OXR1: variants seen among roughly 807,000 people sequenced by gnomAD.
The protein encoded by OXR1 is oxidation resistance 1.
In OXR1, 41 loss-of-function variants were observed where a neutral mutation model predicts 104.6. The ratio of observed to expected loss-of-function variants is 0.39; its 90% CI spans 0.31 to 0.51. The LOEUF (loss-of-function observed/expected upper bound fraction) is 0.51. OXR1 is among the 20% of genes least tolerant of loss of function. OXR1 has a pLI of 0.77. For synonymous variants in OXR1, 348 were observed against 348.4 expected (o/e 1.00, Z 0.01); for missense variants, 955 against 1,031.9 (o/e 0.93, Z 1.02).
intron 3 of OXR1, among the ~76,000 whole-genome samples, chr8:106,534,589 A>T (rs2130267230): frequency 6.6e-6 from 1 of 152,350 alleles, no homozygotes; most frequent in African/African-American, 2.4e-5. Context: ...ACAGGTTCAG[A>T]TGTACAGACA....
At chr8:106,460,869 C>T (rs979353380) in intron 2 of OXR1, among the ~76,000 whole-genome samples, 23 of 151,796 alleles carry the variant, frequency 1.5e-4, no homozygotes, top group East Asian at 3.9e-4. Context: ...TATGTAATTA[C>T]GTATAATTGG....
intron 2 of OXR1, among the ~76,000 whole-genome samples, chr8:106,451,447 T>A (rs1267644468): frequency 6.6e-6 from 1 of 152,220 alleles, no homozygotes; most frequent in South Asian, 2.1e-4. Context: ...GTTAAGAATG[T>A]GTTCTTTTAG....
chr8:106,654,599 G>A (rs1401439905), intron 3 of OXR1, among the ~76,000 whole-genome samples: 2 of 152,054 alleles, frequency 1.3e-5, no homozygotes, highest in African/African-American at 4.8e-5. Context: ...AAAGTCCTAT[G>A]TTAGATCAAA....
chr8:106,569,777 A>G (rs553460034), intron 3 of OXR1, among the ~76,000 whole-genome samples: 85 of 152,342 alleles, frequency 5.6e-4, no homozygotes, highest in African/African-American at 2.0e-3. Flanking sequence ...ACATGCAGAT[A>G]GTTTTACAAT....
chr8:106,372,922 A>G (rs776481188), intron 2 of OXR1, among the ~76,000 whole-genome samples: 6 of 152,352 alleles, frequency 3.9e-5, no homozygotes, highest in Middle Eastern at 3.4e-3. Flanking sequence ...GTGGAAATTC[A>G]GAATATACAA....
At chr8:106,543,628 C>T (rs902951734) in intron 3 of OXR1, among the ~76,000 whole-genome samples, 2 of 152,118 alleles carry the variant, frequency 1.3e-5, no homozygotes, top group Admixed American at 1.3e-4. Context: ...CAAGAAATAA[C>T]TTCTTAATAC....
intron 2 of OXR1, among the ~76,000 whole-genome samples, chr8:106,443,194 T>G (rs1819864018): frequency 2.0e-5 from 3 of 152,218 alleles, no homozygotes; most frequent in Admixed American, 2.0e-4. Context: ...TTGTTCAATT[T>G]CCATGAAATT....
chr8:106,282,232 A>G (rs1812319997), intron 1 of OXR1, among the ~76,000 whole-genome samples: 1 of 152,200 alleles, frequency 6.6e-6, no homozygotes, highest in South Asian at 2.1e-4. Flanking sequence ...ATATTCATTA[A>G]TTATGGGTGT....
chr8:106,374,785 C>A (rs1296961486), intron 2 of OXR1, among the ~76,000 whole-genome samples: 2 of 152,130 alleles, frequency 1.3e-5, no homozygotes, highest in African/African-American at 4.8e-5. Flanking sequence ...CACCAGGCCT[C>A]CCTATTTCAG....
At position 106,563,296 on chromosome 8, in the gene OXR1, CAAAAAAA is replaced by C. The variant is rs145929849; in HGVS notation, c.220+44169_220+44175del. ...GAAGATTTACCAAGCAAATGGAAAG[CAAAAAAA>C]AAAAAAAAAAAGAAAAAAAAAGCAG... On this transcript the variant is annotated intron_variant, in intron 3 of 16. Coordinates refer to ENST00000517566, the MANE Select transcript of OXR1 (RefSeq NM_001198533.2). 6.7e-4 allele frequency among the ~76,000 whole-genome samples: 84 copies of C among 125,766 alleles called. No individual in the cohort carries two copies. In the East Asian group the frequency reaches 0.019, roughly 28 times the overall value. 82.5% of individuals were successfully genotyped at this position (125,766 alleles called of 152,430 possible).
At chr8:106,642,358 A>T (rs956315193) in intron 3 of OXR1, among the ~76,000 whole-genome samples, 1 of 152,184 alleles carries the variant, frequency 6.6e-6, no homozygotes, top group African/African-American at 2.4e-5. Context: ...TAAATACAAG[A>T]GAAGTTTATT....
chr8:106,544,347 T>C (rs1165848054), intron 3 of OXR1, among the ~76,000 whole-genome samples: 3 of 152,196 alleles, frequency 2.0e-5, no homozygotes, highest in Non-Finnish European at 4.4e-5. Context: ...TCTTTGCCTG[T>C]ATGAGCATTT....
chr8:106,289,477 G>A (rs1257053151), intron 1 of OXR1, among the ~76,000 whole-genome samples: 1 of 152,048 alleles, frequency 6.6e-6, no homozygotes, highest in Non-Finnish European at 1.5e-5. Context: ...ACTTCTGCAA[G>A]GAGAATTACA....
chr8:106,634,144 A>G (rs1822941747), intron 3 of OXR1, among the ~76,000 whole-genome samples: 1 of 152,180 alleles, frequency 6.6e-6, no homozygotes, highest in African/African-American at 2.4e-5. Context: ...CGTTAACATA[A>G]GATTTTTTGA....
intron 2 of OXR1, among the ~76,000 whole-genome samples, chr8:106,430,171 G>A (rs990118981): frequency 1.3e-5 from 2 of 151,918 alleles, no homozygotes; most frequent in African/African-American, 4.8e-5. Flanking sequence ...TCATCCAAAG[G>A]CCCATTACAA....
chr8:106,347,714 T>C (rs1815557758), intron 1 of OXR1, among the ~76,000 whole-genome samples: 1 of 152,200 alleles, frequency 6.6e-6, no homozygotes, highest in East Asian at 1.9e-4. Context: ...TACCTATAAA[T>C]GATTAATTAT....
chr8:106,410,194 T>A (rs954164217), intron 2 of OXR1, among the ~76,000 whole-genome samples: 3 of 152,138 alleles, frequency 2.0e-5, no homozygotes, highest in African/African-American at 7.2e-5. Context: ...TACACCAAAT[T>A]TTCTGTAGAT....
At chr8:106,384,160 C>G (rs2130422703) in intron 2 of OXR1, among the ~76,000 whole-genome samples, 1 of 152,232 alleles carries the variant, frequency 6.6e-6, no homozygotes, top group South Asian at 2.1e-4. Flanking sequence ...AACTGCATCT[C>G]ATAAGGATGT....
chr8:106,419,248 G>A (rs971429774), intron 2 of OXR1, among the ~76,000 whole-genome samples: 27 of 152,148 alleles, frequency 1.8e-4, no homozygotes, highest in African/African-American at 6.0e-4. Context: ...AACTCACGGT[G>A]ACTTAAAAGG....
Sources: allele counts gnomAD v4.1 joint callset (sites outside exome capture counted in the v4.1 genomes callset), GRCh38; gene constraint gnomAD v4.1.1; transcripts MANE v1.5; gene names NCBI Gene and HGNC (gene_info 2026-07-23, HGNC 2026-07-21).